XKR9: variants seen among roughly 807,000 people sequenced by gnomAD.
XKR9 encodes the protein XK-related protein 9.
XKR9 carries 32 observed loss-of-function variants against 32.0 expected under a neutral mutation model. The observed-to-expected ratio is 1.00, with a 90% confidence interval of 0.76 to 1.34. XKR9 has a LOEUF of 1.34. Among genes scored for constraint, XKR9 ranks in the 40% most tolerant of loss-of-function variants. The probability of loss-of-function intolerance (pLI) is 0.00; values close to 1 mark genes in which losing one functional copy is unlikely to be tolerated. For synonymous variants in XKR9, 168 were observed against 143.4 expected (o/e 1.17, Z -1.22); for missense variants, 546 against 429.7 (o/e 1.27, Z -2.39).
chr8:70,897,738 C>T, the XKR9 span, among the ~76,000 whole-genome samples: 1 of 151,986 alleles, frequency 6.6e-6, no homozygotes, highest in Non-Finnish European at 1.5e-5. Flanking sequence ...AGATTTTTTT[C>T]TGTAGAGTTG....
chr8:70,846,187 G>T, the XKR9 span, among the ~76,000 whole-genome samples: 1 of 152,082 alleles, frequency 6.6e-6, no homozygotes. Flanking sequence ...CCAAGAAAGA[G>T]TACCTTACTT....
downstream of XKR9, among the ~76,000 whole-genome samples, chr8:70,792,210 T>C (rs1008172283): frequency 6.6e-6 from 1 of 152,146 alleles, no homozygotes; most frequent in African/African-American, 2.4e-5. Context: ...TAGACTCTTT[T>C]TCTTTTTCTG....
chr8:70,977,811 A>T, the XKR9 span, among the ~76,000 whole-genome samples: 1 of 152,142 alleles, frequency 6.6e-6, no homozygotes, highest in Non-Finnish European at 1.5e-5. Context: ...TCTCTCATTG[A>T]TCTGTCTAAT....
chr8:70,937,748 C>A, the XKR9 span, among the ~76,000 whole-genome samples: 1 of 151,918 alleles, frequency 6.6e-6, no homozygotes, highest in African/African-American at 2.4e-5. Context: ...AGTAGGAAAA[C>A]CAGAATTCAG....
chr8:70,705,633 C>CATAT (rs1280544561), intron 3 of XKR9, among the ~76,000 whole-genome samples: 1 of 151,998 alleles, frequency 6.6e-6, no homozygotes, highest in Admixed American at 6.6e-5. Flanking sequence ...GTGGTGGTAG[C>CATAT]ATGTGTGGGA....
chr8:71,040,479 T>A, the XKR9 span, among the ~76,000 whole-genome samples: 1 of 152,232 alleles, frequency 6.6e-6, no homozygotes, highest in Non-Finnish European at 1.5e-5. Context: ...ATAAGTATTT[T>A]TTGAGTACAG....
chr8:70,911,262 A>T, the XKR9 span, among the ~76,000 whole-genome samples: 1 of 152,188 alleles, frequency 6.6e-6, no homozygotes, highest in South Asian at 2.1e-4. Flanking sequence ...TGCCATTATT[A>T]CTTATATCCT....
At chr8:70,760,716 T>A (rs919722431) in intron 2 of XKR9, among the ~76,000 whole-genome samples, 3 of 152,172 alleles carry the variant, frequency 2.0e-5, no homozygotes, top group African/African-American at 4.8e-5. Flanking sequence ...TTTAAAAAAA[T>A]TTATTTTAAG....
Position 70,747,844 on chromosome 8 carries a change from G to A in XKR9, n.352+40691G>A, listed in dbSNP as rs188867253. Among the ~76,000 whole-genome samples, 1,017 of 152,192 alleles carry A rather than the reference G, an allele frequency of 6.7e-3. 5 individuals carry two copies. The highest frequency in any genetic ancestry group is 0.017 in the South Asian group (84 of 4,824). On this transcript the variant is annotated intron_variant and non_coding_transcript_variant, in intron 2 of 3. Transcript: ENST00000520273. ...ACATTATTTTTTGGATGACATTTAT[G>A]AGTCATTTAAGACCCAGTTTCTGCA... is the stretch of plus-strand genomic sequence containing the variant.
the XKR9 span, among the ~76,000 whole-genome samples, chr8:70,932,498 T>A: frequency 2.6e-5 from 4 of 152,070 alleles, no homozygotes; most frequent in Non-Finnish European, 5.9e-5. Context: ...TAGGGAGAAG[T>A]TAATGACATT....
chr8:71,008,729 C>T, the XKR9 span, among the ~76,000 whole-genome samples: 1 of 152,172 alleles, frequency 6.6e-6, no homozygotes. Flanking sequence ...TGAGCTCATG[C>T]AATCCTTCCT....
chr8:70,734,297 G>C lies in XKR9; in HGVS notation c.995G>C (p.Gly332Ala), dbSNP rs1305691268. The C allele has an allele frequency of 4.3e-6, 7 of 1,612,412 alleles. No homozygotes were observed. Among genetic ancestry groups the C allele is most frequent in the South Asian group, 3.3e-5 (3 of 90,956 alleles). ...ACTATAGTTCTTACTCTTCTTCTTG[G>C]AATTCTTTTTCTTATTGTTTATTAT... is the stretch of plus-strand genomic sequence containing the variant. The part of the protein sequence containing the change: ...SITIVLTLLL[G>A]ILFLIVYYGS... Residue 332 changes from glycine to alanine, a missense_variant, in exon 5 of 5, where the codon GGA (glycine) becomes GCA (alanine). Coordinates refer to ENST00000408926, the MANE Select transcript of XKR9 (RefSeq NM_001011720.2).
chr8:70,875,422 A>T, the XKR9 span, among the ~76,000 whole-genome samples: 1 of 152,232 alleles, frequency 6.6e-6, no homozygotes, highest in Non-Finnish European at 1.5e-5. Context: ...AGCAGGACAC[A>T]TATTTTGTGT....
At chr8:70,973,190 A>G in the XKR9 span, among the ~76,000 whole-genome samples, 1 of 152,040 alleles carries the variant, frequency 6.6e-6, no homozygotes, top group Admixed American at 6.6e-5. Context: ...GGCTTAATCT[A>G]GAAGGGTTGT....
intron 2 of XKR9, among the ~76,000 whole-genome samples, chr8:70,745,945 C>G (rs553021901): frequency 5.3e-5 from 8 of 152,234 alleles, no homozygotes; most frequent in African/African-American, 1.9e-4. Flanking sequence ...CAAAGTTGGA[C>G]TTTTCTAGCT....
the XKR9 span, among the ~76,000 whole-genome samples, chr8:70,923,124 C>A: frequency 2.6e-5 from 4 of 152,208 alleles, no homozygotes; most frequent in African/African-American, 4.8e-5. Flanking sequence ...AGCCTGAAGA[C>A]CAGAAGGCTC....
the XKR9 span, among the ~76,000 whole-genome samples, chr8:70,839,942 C>A: frequency 1.3e-5 from 2 of 152,108 alleles, no homozygotes; most frequent in Admixed American, 1.3e-4. Context: ...TGGGTAGGAG[C>A]CCATTTAACG....
intron 2 of XKR9, among the ~76,000 whole-genome samples, chr8:70,789,139 C>A (rs1246157412): frequency 6.6e-6 from 1 of 151,820 alleles, no homozygotes; most frequent in Non-Finnish European, 1.5e-5. Flanking sequence ...TTACAACAAA[C>A]AACAAAACAC....
At chr8:70,710,658 C>G (rs190453889) in intron 4 of XKR9, among the ~76,000 whole-genome samples, 1 of 151,968 alleles carries the variant, frequency 6.6e-6, no homozygotes, top group Non-Finnish European at 1.5e-5. Flanking sequence ...GAGCCAAGAT[C>G]GCACCACTGT....
Sources: allele counts gnomAD v4.1 joint callset (sites outside exome capture counted in the v4.1 genomes callset), GRCh38; gene constraint gnomAD v4.1.1; transcripts MANE v1.5; gene names NCBI Gene and HGNC (gene_info 2026-07-23, HGNC 2026-07-21).